RYR3: variants seen among roughly 807,000 people sequenced by gnomAD.
RYR3 encodes the protein brain ryanodine receptor-calcium release channel.
In RYR3, 207 loss-of-function variants were observed where a neutral mutation model predicts 584.3. The ratio of observed to expected loss-of-function variants is 0.35; its 90% CI spans 0.32 to 0.40. The LOEUF (loss-of-function observed/expected upper bound fraction) is 0.40, where lower values mean the gene tolerates loss of function less well. Ranked by LOEUF, RYR3 falls within the 10% of genes least tolerant of loss-of-function variation. The pLI is 1.00. For missense variants in RYR3, 5,616 were observed against 6,089.2 expected (o/e 0.92, Z 2.59); for synonymous variants, 2,416 against 2,248.5 (o/e 1.07, Z -2.11).
intron 27 of RYR3, among the ~76,000 whole-genome samples, chr15:33,643,264 C>A (rs965381553): frequency 1.3e-5 from 2 of 152,210 alleles, no homozygotes; most frequent in Non-Finnish European, 2.9e-5. Context: ...CAGGCGCTCT[C>A]TGCAGCCTCC....
intron 1 of RYR3, among the ~76,000 whole-genome samples, chr15:33,434,668 A>AT (rs1298483045): frequency 6.6e-6 from 1 of 152,152 alleles, no homozygotes; most frequent in Non-Finnish European, 1.5e-5. Flanking sequence ...GTAACAGGGT[A>AT]TTACCGATAA....
At chr15:33,434,883 T>C (rs1248667535) in intron 1 of RYR3, among the ~76,000 whole-genome samples, 1 of 152,202 alleles carries the variant, frequency 6.6e-6, no homozygotes, top group Non-Finnish European at 1.5e-5. Context: ...AGTGGTGCGA[T>C]CTTGGCTCAC....
At chr15:33,669,097 T>C (rs2063661962) in intron 36 of RYR3, among the ~76,000 whole-genome samples, 1 of 152,148 alleles carries the variant, frequency 6.6e-6, no homozygotes, top group Non-Finnish European at 1.5e-5. Flanking sequence ...ATATTAACAG[T>C]AGTTATCTCG....
At position 33,647,464 on chromosome 15, in the gene RYR3, A is replaced by G; in HGVS notation, c.3978+4A>G. On this transcript the variant is annotated splice_donor_region_variant and intron_variant, in intron 30 of 103. Transcript: ENST00000634891. ...AATACTCTCTCATACAACAACAGTAAGTAAATGTGCTCAATTATGGTTTTA... is the reference window on the plus strand; with the variant it reads ...AATACTCTCTCATACAACAACAGTAGGTAAATGTGCTCAATTATGGTTTTA... 1 of 1,593,662 alleles carries G rather than the reference A, an allele frequency of 6.3e-7. No homozygotes were observed. The highest frequency in any genetic ancestry group is 1.7e-5 in the Admixed American group (1 of 59,912).
chr15:33,734,351 G>C (rs2069219565), intron 48 of RYR3, among the ~76,000 whole-genome samples: 1 of 152,136 alleles, frequency 6.6e-6, no homozygotes, highest in Non-Finnish European at 1.5e-5. Context: ...TTTGCACTTT[G>C]CCGCTTCAAA....
At chr15:33,602,750 T>G (rs1215464708) in intron 17 of RYR3, among the ~76,000 whole-genome samples, 2 of 139,698 alleles carry the variant, frequency 1.4e-5, no homozygotes, top group Non-Finnish European at 3.1e-5. Context: ...TTTTTTTTTT[T>G]TTTTTTTTTT....
Position 33,816,966 on chromosome 15 carries a change from C to G in RYR3, c.10599+8C>G. The stretch of plus-strand genomic sequence containing the variant: ...CTAGTACAGGATTTGGCTGTAAGTA[C>G]TGACTCCCCTGGGAGCAGATATGAG... On this transcript the variant is annotated splice_region_variant and intron_variant, in intron 75 of 103. Transcript: ENST00000634891. The G allele has an allele frequency of 1.3e-6, 2 of 1,529,810 alleles. No homozygotes were observed. The highest frequency in any genetic ancestry group is 1.8e-6 in the Non-Finnish European group (2 of 1,107,496). The allele number at this position is 1,529,810 out of a possible 1,614,324, so 94.8% of individuals were successfully genotyped here. A position where few individuals can be genotyped will look rare whatever the true frequency, so the allele number is the denominator to read the frequency against.
intron 1 of RYR3, among the ~76,000 whole-genome samples, chr15:33,365,209 C>A (rs1054673265): frequency 6.6e-6 from 1 of 152,132 alleles, no homozygotes; most frequent in Admixed American, 6.5e-5. Context: ...TCCTTGGGGG[C>A]CACAGTGTTT....
chr15:33,811,552 T>A (rs2076547118), intron 72 of RYR3, among the ~76,000 whole-genome samples: 1 of 147,106 alleles, frequency 6.8e-6, no homozygotes, highest in Non-Finnish European at 1.5e-5. Context: ...GCCCTTAATG[T>A]ATGTTTGTTT....
Position 33,336,428 on chromosome 15 carries a change from AAGAAAGAAAG to A in RYR3, c.51+25334_51+25343del, listed in dbSNP as rs1464517036. ...GCGACAGAGCGAGACGAAAGAAAGA[AAGAAAGAAAG>A]AAAGAGAGAGAGAGAGAGAGAGAGA... On this transcript the variant is annotated intron_variant, in intron 1 of 103. Coordinates refer to ENST00000634891, the MANE Select transcript of RYR3 (RefSeq NM_001036.6). 9.8e-5 allele frequency among the ~76,000 whole-genome samples: 2 copies of A among 20,496 alleles called. 1 individual carries two copies. Among genetic ancestry groups the A allele is most frequent in the Non-Finnish European group, 1.6e-4 (2 of 12,532 alleles). The allele number at this position is 20,496 out of a possible 152,430, so 13.4% of individuals were successfully genotyped here. A position where few individuals can be genotyped will look rare whatever the true frequency, so the allele number is the denominator to read the frequency against.
intron 101 of RYR3, 42 bp downstream of exon 101, chr15:33,860,701 T>C: frequency 7.4e-7 from 1 of 1,360,258 alleles, no homozygotes; most frequent in Non-Finnish European, 1.0e-6. Flanking sequence ...TATTTTAATA[T>C]CCCCAGAAGC....
At chr15:33,527,586 CAAA>C (rs34864486) in intron 3 of RYR3, among the ~76,000 whole-genome samples, 2 of 127,546 alleles carry the variant, frequency 1.6e-5, no homozygotes, top group Non-Finnish European at 1.6e-5. Flanking sequence ...AACTCTGTCT[CAAA>C]AAAAAAAAAA....
At chr15:33,654,742 C>T (rs1327002212) in intron 32 of RYR3, among the ~76,000 whole-genome samples, 6 of 152,138 alleles carry the variant, frequency 3.9e-5, no homozygotes, top group Non-Finnish European at 5.9e-5. Context: ...GCATGCCGTA[C>T]TTAGGGCATC....
At chr15:33,651,058 T>C (rs760954758) in intron 31 of RYR3, among the ~76,000 whole-genome samples, 11 of 152,234 alleles carry the variant, frequency 7.2e-5, no homozygotes, top group Non-Finnish European at 1.2e-4. Flanking sequence ...CCATACAAGA[T>C]TGATTACTTC....
chr15:33,720,404 A>G (rs1448711615), intron 43 of RYR3, among the ~76,000 whole-genome samples: 1 of 152,232 alleles, frequency 6.6e-6, no homozygotes, highest in Admixed American at 6.5e-5. Flanking sequence ...TCCTCTGAGC[A>G]TCATGGGAGA....
intron 97 of RYR3, 68 bp from the exon 98 acceptor site, chr15:33,854,698 A>C: frequency 6.5e-7 from 1 of 1,534,232 alleles, no homozygotes; most frequent in Non-Finnish European, 8.7e-7. Context: ...CAAAATAAGA[A>C]AAAATGTTTT....
chr15:33,552,217 C>T (rs1371746410), intron 10 of RYR3, among the ~76,000 whole-genome samples: 3 of 152,146 alleles, frequency 2.0e-5, no homozygotes, highest in Non-Finnish European at 4.4e-5. Context: ...CCATTCTTGG[C>T]TCAGCCTTGT....
In RYR3 at chr15:33,785,766, A is replaced by T. The variant is rs377425878; in HGVS notation, c.9373A>T (p.Thr3125Ser). The T allele has an allele frequency of 3.7e-6, 6 of 1,613,886 alleles. No individual in the cohort carries two copies. Among genetic ancestry groups the T allele is most frequent in the Non-Finnish European group, 5.1e-6 (6 of 1,179,890 alleles). Residue 3125 changes from threonine to serine, a missense_variant, in exon 66 of 104, where the codon ACA becomes TCA. Coordinates refer to ENST00000634891, the MANE Select transcript of RYR3 (RefSeq NM_001036.6). ...CCTGGCCGAGTCAGGGGCCCGGTAC[A>T]CAGAGATGCCCCATGTCATCGAGGT... ...NDLAESGARY[T>S]EMPHVIEVIL... is the part of the protein sequence containing the mutation.
At chr15:33,700,862 C>T (rs1049195125) in intron 41 of RYR3, 115 bp from the exon 42 acceptor site, 2 of 642,296 alleles carry the variant, frequency 3.1e-6, no homozygotes, top group African/African-American at 1.8e-5. Context: ...TCATGTAAGC[C>T]AGGTTTCAGT....
Sources: gnomAD v4.1 joint callset for allele counts (sites outside exome capture counted in the v4.1 genomes callset) on GRCh38, gnomAD v4.1.1 for gene constraint, MANE v1.5 for transcripts, NCBI Gene and HGNC (gene_info 2026-07-23, HGNC 2026-07-21) for gene names.